The following PSPC1 variants were observed in gnomAD, a reference collection of about 807,000 sequenced individuals.
PSPC1 encodes the protein paraspeckle component 1.
In PSPC1, 14 loss-of-function variants were observed where a neutral mutation model predicts 51.6. The ratio of observed to expected loss-of-function variants is 0.27; its 90% confidence interval spans 0.18 to 0.42. The LOEUF is 0.42. Among genes scored for constraint, PSPC1 ranks in the 10% least tolerant of loss-of-function variants. The pLI is 1.00. For missense variants in PSPC1, 406 were observed against 701.1 expected (o/e 0.58, Z 4.75); for synonymous variants, 193 against 231.9 (o/e 0.83, Z 1.53).
chr13:19,674,145 G>T (rs1876352369), downstream of PSPC1, among the ~76,000 whole-genome samples: 1 of 152,184 alleles, frequency 6.6e-6, no homozygotes, highest in Non-Finnish European at 1.5e-5. Context: ...GTCTACTTGG[G>T]TAAGGACAAC....
rs1880111704 is a variant in PSPC1, at chr13:19,702,944, G to A, written c.*231C>T. 2.6e-6 allele frequency: 1 copy of A among 386,598 alleles called. No homozygotes were observed. Among genetic ancestry groups the A allele is most frequent in the Non-Finnish European group, 4.9e-6 (1 of 204,528 alleles). The allele number at this position is 386,598 out of a possible 1,614,324, so 23.9% of individuals were successfully genotyped here. On this transcript the variant is annotated 3_prime_UTR_variant, in exon 9 of 9. Coordinates refer to ENST00000338910, the MANE Select transcript of PSPC1 (RefSeq NM_001354909.2). ...CAGTACTATGGAATACTTATATTTA[G>A]CTAAAGTCACAAACACATTTCAACA...
intron 6 of PSPC1, among the ~76,000 whole-genome samples, chr13:19,696,964 AAT>A: frequency 6.6e-6 from 1 of 152,182 alleles, no homozygotes; most frequent in Non-Finnish European, 1.5e-5. Context: ...CTCAATAGCT[AAT>A]ATGTTTCCTA....
intron 3 of PSPC1, among the ~76,000 whole-genome samples, chr13:19,755,460 C>G (rs1384757155): frequency 1.3e-5 from 2 of 151,720 alleles, no homozygotes; most frequent in Non-Finnish European, 2.9e-5. Context: ...TGGTTATGTG[C>G]GCCTGTAGTC....
At chr13:19,733,780 A>AG (rs1884426007) in intron 5 of PSPC1, among the ~76,000 whole-genome samples, 1 of 131,122 alleles carries the variant, frequency 7.6e-6, no homozygotes, top group East Asian at 2.0e-4. Context: ...AGAAAAAAGA[A>AG]AAAAAAATAT....
chr13:19,677,697 G>A, intron 7 of PSPC1: 1 of 427,552 alleles, frequency 2.3e-6, no homozygotes, highest in South Asian at 1.7e-5. Flanking sequence ...GGATCTGTTA[G>A]AAAATAATGA....
chr13:19,671,561 G>T (rs1325991138), downstream of PSPC1, among the ~76,000 whole-genome samples: 1 of 152,192 alleles, frequency 6.6e-6, no homozygotes, highest in Non-Finnish European at 1.5e-5. Context: ...GTATGGAGTT[G>T]CCAAATGTAT....
chr13:19,705,576 A>C, intron 8 of PSPC1, 86 bp downstream of exon 8: 1 of 886,288 alleles, frequency 1.1e-6, no homozygotes, highest in Admixed American at 3.1e-5. Flanking sequence ...AACAAATGAT[A>C]CCAAATTATA....
At chr13:19,763,389 T>C (rs576528034) in intron 2 of PSPC1, among the ~76,000 whole-genome samples, 3 of 152,258 alleles carry the variant, frequency 2.0e-5, no homozygotes, top group East Asian at 3.9e-4. Context: ...CAAATCAAAG[T>C]GTTCAACCAT....
intron 6 of PSPC1, among the ~76,000 whole-genome samples, chr13:19,727,793 T>C (rs1883535988): frequency 6.6e-6 from 1 of 152,182 alleles, no homozygotes; most frequent in African/African-American, 2.4e-5. Context: ...TTTTAATGTG[T>C]CCAAAAATTG....
chr13:19,781,682 G>A (rs1889982900), intron 1 of PSPC1, among the ~76,000 whole-genome samples: 1 of 152,166 alleles, frequency 6.6e-6, no homozygotes, highest in Non-Finnish European at 1.5e-5. Flanking sequence ...AGGCTGCACT[G>A]AGGTGAGAAA....
At chr13:19,728,496 T>C (rs1015514719) in intron 6 of PSPC1, among the ~76,000 whole-genome samples, 12 of 139,332 alleles carry the variant, frequency 8.6e-5, no homozygotes, top group African/African-American at 1.2e-4. Flanking sequence ...AGCATTAAAA[T>C]TGTTTAACAA....
chr13:19,678,864 C>T (rs1876958100), intron 6 of PSPC1: 1 of 152,202 alleles, frequency 6.6e-6, no homozygotes, highest in Admixed American at 6.5e-5. Flanking sequence ...TCAAGCAATC[C>T]TCCTGTCTCA....
rs945706951 is a variant in PSPC1, at chr13:19,782,906, C to T, written c.-149G>A. On this transcript the variant is annotated 5_prime_UTR_variant, in exon 1 of 9. Coordinates refer to ENST00000338910, the MANE Select transcript of PSPC1 (RefSeq NM_001354909.2). This position sits in a 1 kb window ranked among gnomAD's most constrained non-coding sequence, Gnocchi z 4.5. ...GTAGGCGAGTCGGCAACCCGTCCTC[C>T]CCCAACTCACGCCCGCTGCAGCTGC... 70 of 813,516 alleles carry T rather than the reference C, an allele frequency of 8.6e-5. No individual in the cohort carries two copies. The highest frequency in any genetic ancestry group is 4.1e-4 in the Admixed American group (12 of 29,488). 50.4% of individuals were successfully genotyped at this position (813,516 alleles called of 1,614,324 possible). A position where few individuals can be genotyped will look rare whatever the true frequency, so the allele number is the denominator to read the frequency against.
rs984603924 is a variant in PSPC1, at chr13:19,697,428, T to C, written c.1159-19605A>G. Among the ~76,000 whole-genome samples, 8 of 152,328 alleles carry C rather than the reference T, an allele frequency of 5.3e-5. No individual in the cohort carries two copies. The East Asian group carries it at 7.7e-4, about 15-fold the overall frequency. Reference sequence around the variant, plus strand: ...CCCTAGAAAACTAACCAATACACAGTAGGTCCCCTTGATACATGCTGTTAC... The same window carrying C: ...CCCTAGAAAACTAACCAATACACAGCAGGTCCCCTTGATACATGCTGTTAC... On this transcript the variant is annotated intron_variant and NMD_transcript_variant, in intron 6 of 7. Coordinates refer to the PSPC1 transcript ENST00000471658.
chr13:19,710,847 T>C (rs1421437967), intron 6 of PSPC1, among the ~76,000 whole-genome samples: 1 of 152,208 alleles, frequency 6.6e-6, no homozygotes, highest in East Asian at 1.9e-4. Flanking sequence ...GCTTAATTTT[T>C]TTTTTTTTCC....
intron 6 of PSPC1, among the ~76,000 whole-genome samples, chr13:19,690,357 T>G (rs1260871879): frequency 6.6e-6 from 1 of 152,202 alleles, no homozygotes; most frequent in Admixed American, 6.5e-5. Context: ...GTTGCTACAT[T>G]TTGCTAGAAG....
chr13:19,719,351 A>C (rs1227605887), intron 6 of PSPC1, among the ~76,000 whole-genome samples: 1 of 152,084 alleles, frequency 6.6e-6, no homozygotes, highest in Non-Finnish European at 1.5e-5. Context: ...ATAATAATAA[A>C]TCAAGATGAG....
chr13:19,777,076 T>C (rs1486275384), intron 1 of PSPC1, among the ~76,000 whole-genome samples: 1 of 141,300 alleles, frequency 7.1e-6, no homozygotes, highest in Non-Finnish European at 1.5e-5. Context: ...GTGAGCCCAG[T>C]GTGCCACTGC....
At chr13:19,753,283 C>CAAA (rs1184204944) in intron 3 of PSPC1, among the ~76,000 whole-genome samples, 9 of 64,500 alleles carry the variant, frequency 1.4e-4, no homozygotes, top group East Asian at 5.5e-4. Context: ...GACTCCATCT[C>CAAA]AAAAAAAAAA....
Sources: allele counts gnomAD v4.1 joint callset (sites outside exome capture counted in the v4.1 genomes callset), GRCh38; gene constraint gnomAD v4.1.1; non-coding constraint Gnocchi (gnomAD v3.1); transcripts MANE v1.5; gene names NCBI Gene and HGNC (gene_info 2026-07-23, HGNC 2026-07-21).